The following MACROD2 variants were observed in gnomAD, a reference collection of about 807,000 sequenced individuals.
The protein encoded by MACROD2 is ADP-ribose glycohydrolase MACROD2.
MACROD2 carries 36 observed loss-of-function variants against 70.4 expected under a neutral mutation model. The ratio of observed to expected loss-of-function variants is 0.51; its 90% CI spans 0.39 to 0.68. The LOEUF (loss-of-function observed/expected upper bound fraction) is 0.68, where lower values mean the gene tolerates loss of function less well. MACROD2 is among the 30% of genes least tolerant of loss of function. The pLI is 0.00. For synonymous variants in MACROD2, 172 were observed against 178.8 expected, an observed-to-expected ratio of 0.96 and a Z score of 0.30; for missense variants, 496 against 538.4, an observed-to-expected ratio of 0.92 and a Z score of 0.78.
chr20:15,662,788 A>G (rs1307382319), intron 8 of MACROD2, among the ~76,000 whole-genome samples: 1 of 151,724 alleles, frequency 6.6e-6, no homozygotes, highest in Non-Finnish European at 1.5e-5. Flanking sequence ...TTAGTGGCCA[A>G]TATTTTCATA....
chr20:15,849,437 G>T (rs916268514), intron 8 of MACROD2, among the ~76,000 whole-genome samples: 1 of 152,188 alleles, frequency 6.6e-6, no homozygotes, highest in Non-Finnish European at 1.5e-5. Flanking sequence ...AAACGATAAG[G>T]CACAGGACGA....
intron 5 of MACROD2, among the ~76,000 whole-genome samples, chr20:15,002,501 G>T (rs951813326): frequency 6.6e-6 from 1 of 151,880 alleles, no homozygotes; most frequent in Non-Finnish European, 1.5e-5. Context: ...TTATTGATTG[G>T]TTTTCACATT....
chr20:15,710,601 A>G (rs2146914931), intron 8 of MACROD2, among the ~76,000 whole-genome samples: 1 of 152,332 alleles, frequency 6.6e-6, no homozygotes, highest in East Asian at 1.9e-4. Flanking sequence ...TCAAGTGTTT[A>G]TGGGCGTGAA....
intron 9 of MACROD2, among the ~76,000 whole-genome samples, chr20:15,868,869 G>T (rs934913255): frequency 6.6e-6 from 1 of 151,818 alleles, no homozygotes; most frequent in African/African-American, 2.4e-5. Flanking sequence ...CTGCAGCCTC[G>T]AACTTCTGGG....
At chr20:15,194,245 C>CAAAAAAAAA (rs71190180) in intron 5 of MACROD2, among the ~76,000 whole-genome samples, 2 of 49,844 alleles carry the variant, frequency 4.0e-5, no homozygotes, top group African/African-American at 8.9e-5. Flanking sequence ...CACTCTGTCT[C>CAAAAAAAAA]AAAAAAAAAA....
chr20:14,395,160 T>A (rs1207261452), intron 3 of MACROD2, among the ~76,000 whole-genome samples: 1 of 152,140 alleles, frequency 6.6e-6, no homozygotes, highest in African/African-American at 2.4e-5. Flanking sequence ...AGTATTGGTA[T>A]TATTTTCTCT....
chr20:15,754,865 GT>G (rs201571016), intron 8 of MACROD2, among the ~76,000 whole-genome samples: 36 of 143,064 alleles, frequency 2.5e-4, no homozygotes, highest in Non-Finnish European at 2.3e-4. Context: ...AGTTTGCTGG[GT>G]TTTTTTTTTT....
intron 5 of MACROD2, among the ~76,000 whole-genome samples, chr20:15,032,947 T>G (rs572724179): frequency 6.6e-6 from 1 of 152,338 alleles, no homozygotes; most frequent in African/African-American, 2.4e-5. Flanking sequence ...GAAAACATTA[T>G]GCTAAGTGCA....
intron 4 of MACROD2, among the ~76,000 whole-genome samples, chr20:14,548,046 A>G (rs1224126255): frequency 6.6e-6 from 1 of 152,160 alleles, no homozygotes; most frequent in Admixed American, 6.6e-5. Context: ...AATTAAAGTG[A>G]TGGTAAAATA....
chr20:15,506,807 G>T (rs2047431462), intron 8 of MACROD2, among the ~76,000 whole-genome samples: 1 of 152,228 alleles, frequency 6.6e-6, no homozygotes, highest in South Asian at 2.1e-4. Context: ...CAATGCAGGG[G>T]TGTGGTTAAC....
intron 8 of MACROD2, among the ~76,000 whole-genome samples, chr20:15,637,803 T>TG (rs1398482823): frequency 8.5e-5 from 13 of 152,328 alleles, no homozygotes; most frequent in African/African-American, 2.2e-4. Flanking sequence ...GAGTGAGTTT[T>TG]TAATCTCAAC....
At chr20:15,463,440 C>T (rs1266593005) in intron 7 of MACROD2, among the ~76,000 whole-genome samples, 1 of 152,164 alleles carries the variant, frequency 6.6e-6, no homozygotes. Context: ...AAGGATTAAT[C>T]TAAGAAGTCA....
intron 5 of MACROD2, among the ~76,000 whole-genome samples, chr20:14,961,401 G>A (rs2074582146): frequency 6.6e-6 from 1 of 152,110 alleles, no homozygotes; most frequent in Non-Finnish European, 1.5e-5. Flanking sequence ...AGAACTCAAA[G>A]ATTTAATACC....
At chr20:15,032,255 G>A (rs903998935) in intron 5 of MACROD2, among the ~76,000 whole-genome samples, 1 of 152,216 alleles carries the variant, frequency 6.6e-6, no homozygotes, top group African/African-American at 2.4e-5. Context: ...GGCGACTGCA[G>A]CTCCACCTGG....
chr20:14,644,277 C>A (rs1985253656), intron 4 of MACROD2, among the ~76,000 whole-genome samples: 1 of 152,110 alleles, frequency 6.6e-6, no homozygotes, highest in Non-Finnish European at 1.5e-5. Flanking sequence ...GTTAGTAACA[C>A]TGAAAGGATC....
intron 5 of MACROD2, among the ~76,000 whole-genome samples, chr20:14,919,019 T>C (rs568905129): frequency 6.6e-6 from 1 of 152,202 alleles, no homozygotes; most frequent in African/African-American, 2.4e-5. Flanking sequence ...CCTTTTGTCC[T>C]AAGGAGTCCT....
intron 2 of MACROD2, among the ~76,000 whole-genome samples, chr20:14,055,033 T>G (rs940135681): frequency 2.0e-5 from 3 of 152,184 alleles, no homozygotes; most frequent in African/African-American, 7.2e-5. Flanking sequence ...ATGATTATTT[T>G]CAAACTGAGA....
chr20:14,342,510 G>A (rs373716613), intron 3 of MACROD2, among the ~76,000 whole-genome samples: 1 of 152,080 alleles, frequency 6.6e-6, no homozygotes, highest in African/African-American at 2.4e-5. Context: ...AAGCCTATAG[G>A]ATGTTAATAA....
intron 13 of MACROD2, among the ~76,000 whole-genome samples, chr20:15,973,140 T>C (rs749518804): frequency 9.9e-5 from 15 of 152,166 alleles, no homozygotes; most frequent in Non-Finnish European, 1.9e-4. Flanking sequence ...ATGGTTATCA[T>C]AAAAATATAT....
Sources: gnomAD v4.1 joint callset for allele counts (sites outside exome capture counted in the v4.1 genomes callset) on GRCh38, gnomAD v4.1.1 for gene constraint, MANE v1.5 for transcripts, NCBI Gene and HGNC (gene_info 2026-07-23, HGNC 2026-07-21) for gene names.